Variants in MDFI observed in about 807,000 individuals in gnomAD.
The protein encoded by MDFI is MyoD family inhibitor.
A neutral mutation model predicts 22.3 loss-of-function variants in MDFI; 16 were observed. That is an observed-to-expected ratio of 0.72 (90% confidence interval 0.49 to 1.09). The LOEUF is 1.09. Ranked by LOEUF, MDFI falls within the 50% of genes least tolerant of loss-of-function variation. The pLI is 0.00. For missense variants in MDFI, 314 were observed against 326.1 expected, an observed-to-expected ratio of 0.96 and a Z score of 0.29; for synonymous variants, 145 against 142.7, an observed-to-expected ratio of 1.02 and a Z score of -0.12.
chr6:41,653,860 G>A lies in MDFI; in HGVS notation c.*285G>A, dbSNP rs1768380214. 1.9e-6 allele frequency: 1 copy of A among 515,456 alleles called. No individual in the cohort carries two copies. The highest frequency in any genetic ancestry group is 1.9e-5 in the African/African-American group (1 of 52,396). 31.9% of individuals were successfully genotyped at this position (515,456 alleles called of 1,614,324 possible). Reference sequence around the variant, plus strand: ...GCTGAGGACCTGACAGGACAACCTAGGGGCAGGGCTGGGGTGGGGACCGCA... The same window carrying A: ...GCTGAGGACCTGACAGGACAACCTAAGGGCAGGGCTGGGGTGGGGACCGCA... On this transcript the variant is annotated 3_prime_UTR_variant, in exon 5 of 5. Transcript: ENST00000230321. This position sits in a 1 kb window ranked among gnomAD's most constrained non-coding sequence, Gnocchi z 4.2.
chr6:41,643,002 G>T (rs1767906645), intron 2 of MDFI, among the ~76,000 whole-genome samples: 1 of 152,132 alleles, frequency 6.6e-6, no homozygotes, highest in Admixed American at 6.5e-5. Flanking sequence ...GGGGGAGCAG[G>T]GCAGGGAGCA....
At chr6:41,642,862 C>T (rs1421848366) in intron 2 of MDFI, among the ~76,000 whole-genome samples, 3 of 152,200 alleles carry the variant, frequency 2.0e-5, no homozygotes, top group Non-Finnish European at 4.4e-5. Flanking sequence ...GTCACCAGCC[C>T]TGTAGGTGAC....
At chr6:41,647,410 A>G (rs577738418) in intron 3 of MDFI, among the ~76,000 whole-genome samples, 1 of 152,212 alleles carries the variant, frequency 6.6e-6, no homozygotes, top group African/African-American at 2.4e-5. Context: ...CAGAAGGGCA[A>G]GGGGCACCGA....
At chr6:41,643,120 A>T (rs1211148649) in intron 2 of MDFI, among the ~76,000 whole-genome samples, 1 of 152,136 alleles carries the variant, frequency 6.6e-6, no homozygotes, top group South Asian at 2.1e-4. Context: ...ATGCCCTGCT[A>T]TCATTCTAGG....
At position 41,653,297 on chromosome 6, in the gene MDFI, CCT is replaced by C; in HGVS notation, c.485-18_485-17del. 1 of 1,603,780 alleles carries C rather than the reference CCT, an allele frequency of 6.2e-7. No homozygotes were observed. The highest frequency in any genetic ancestry group is 8.5e-7 in the Non-Finnish European group (1 of 1,173,258). ...ATCCCTCCCCTCTCTCACCCGTCCCCCTCTCCACCGCCACCCCGCAGACTGCT... is the reference window on the plus strand; with the variant it reads ...ATCCCTCCCCTCTCTCACCCGTCCCCCTCCACCGCCACCCCGCAGACTGCT... On this transcript the variant is annotated intron_variant, in intron 4 of 4. Transcript: ENST00000230321. This position sits in a 1 kb window ranked among gnomAD's most constrained non-coding sequence, Gnocchi z 4.2.
At chr6:41,652,534 G>A (rs1768308762) in intron 4 of MDFI, among the ~76,000 whole-genome samples, 1 of 151,994 alleles carries the variant, frequency 6.6e-6, no homozygotes, top group African/African-American at 2.4e-5. Context: ...CAGTAAGCAG[G>A]CTGTCGAAGG....
chr6:41,653,209 T>A lies in MDFI; in HGVS notation c.485-110T>A. 1 of 1,120,680 alleles carries A rather than the reference T, an allele frequency of 8.9e-7. No individual in the cohort carries two copies. The highest frequency in any genetic ancestry group is 1.3e-6 in the Non-Finnish European group (1 of 762,368). 69.4% of individuals were successfully genotyped at this position (1,120,680 alleles called of 1,614,324 possible). On this transcript the variant is annotated intron_variant, in intron 4 of 4. Transcript: ENST00000230321. The surrounding 1 kb of genome is among the most constrained non-coding windows in gnomAD (Gnocchi z 4.2). ...TGAGCTTCAGGCACACAGTGAACAC[T>A]CAGCGTCCCTGCTGCTGCCGCTGCC...
intron 2 of MDFI, among the ~76,000 whole-genome samples, chr6:41,643,532 G>GGAAGGAAGGAAGGAAGGAA (rs1561829502): frequency 1.1e-4 from 14 of 130,082 alleles, no homozygotes; most frequent in African/African-American, 3.7e-4. Flanking sequence ...ACAGGAAGGA[G>GGAAGGAAGGAAGGAAGGAA]GGAAGGAGGG....
chr6:41,649,031 G>A (rs762968809), intron 3 of MDFI, among the ~76,000 whole-genome samples: 16 of 152,306 alleles, frequency 1.1e-4, no homozygotes, highest in Non-Finnish European at 2.2e-4. Context: ...TTGAGGGTGC[G>A]GAGGGCAGAG....
intron 3 of MDFI, 101 bp downstream of exon 3, chr6:41,646,409 A>G (rs1768055234): frequency 9.2e-7 from 1 of 1,083,754 alleles, no homozygotes; most frequent in Non-Finnish European, 1.2e-6. Flanking sequence ...CCGCTTGGCC[A>G]GAACCTTGAG....
At chr6:41,640,704 A>G (rs555213744) in intron 2 of MDFI, among the ~76,000 whole-genome samples, 38 of 152,278 alleles carry the variant, frequency 2.5e-4, no homozygotes, top group African/African-American at 8.9e-4. Context: ...CCAGGGAGCA[A>G]GTCGGCCTCC....
In MDFI at chr6:41,653,291, C is replaced by T. The variant is rs117948170; in HGVS notation, c.485-28C>T. On this transcript the variant is annotated intron_variant, in intron 4 of 4. Transcript: ENST00000230321. The surrounding 1 kb of genome is among the most constrained non-coding windows in gnomAD (Gnocchi z 4.2). ...ACGCTCATCCCTCCCCTCTCTCACC[C>T]GTCCCCCTCTCCACCGCCACCCCGC... 179 of 1,602,048 alleles carry T rather than the reference C, an allele frequency of 1.1e-4. 1 individual carries two copies. In the East Asian group the frequency reaches 3.7e-3, roughly 33 times the overall value.
chr6:41,638,477 G>A lies in MDFI; in HGVS notation c.-187G>A. On this transcript the variant is annotated 5_prime_UTR_variant, in exon 1 of 5. Coordinates refer to ENST00000230321, the MANE Select transcript of MDFI (RefSeq NM_005586.4). This position sits in a 1 kb window ranked among gnomAD's most constrained non-coding sequence, Gnocchi z 7.6. The stretch of plus-strand genomic sequence containing the variant: ...TGGAGGGAGAGAAGGAAGAAGGAAG[G>A]GGCGAACGGCGTGAGCTGGCGCCGA... The A allele has an allele frequency of 6.0e-6, 3 of 497,464 alleles. No homozygotes were observed. The highest frequency in any genetic ancestry group is 1.1e-5 in the Non-Finnish European group (3 of 282,352). The allele number at this position is 497,464 out of a possible 1,614,324, so 30.8% of individuals were successfully genotyped here.
intron 2 of MDFI, among the ~76,000 whole-genome samples, chr6:41,640,079 A>G (rs1767794427): frequency 6.6e-6 from 1 of 152,170 alleles, no homozygotes; most frequent in East Asian, 1.9e-4. Flanking sequence ...GGGCCCCTGC[A>G]ACGGGGCCTT....
chr6:41,644,843 T>C (rs1767987339), intron 2 of MDFI, among the ~76,000 whole-genome samples: 1 of 151,904 alleles, frequency 6.6e-6, no homozygotes, highest in Admixed American at 6.6e-5. Context: ...ATGTGCCTCT[T>C]TCTGGTCTCT....
At chr6:41,644,358 G>T (rs139046686) in intron 2 of MDFI, among the ~76,000 whole-genome samples, 1 of 152,288 alleles carries the variant, frequency 6.6e-6, no homozygotes, top group African/African-American at 2.4e-5. Flanking sequence ...AGGAGCGCCA[G>T]CCCTCCCTCC....
upstream of MDFI, chr6:41,637,317 A>G (rs1404946550): frequency 6.6e-6 from 1 of 151,738 alleles, no homozygotes; most frequent in African/African-American, 2.4e-5. The surrounding 1 kb of genome is among the most constrained non-coding windows in gnomAD (Gnocchi z 6.8). Flanking sequence ...AGAAGTGGGG[A>G]GCTGGGACGC....
At chr6:41,639,404 C>A (rs749961649) in intron 2 of MDFI, 1 of 985,426 alleles carries the variant, frequency 1.0e-6, no homozygotes, top group Non-Finnish European at 1.2e-6. Context: ...CGCACCCCAA[C>A]CCAGTGTCTT....
upstream of MDFI, among the ~76,000 whole-genome samples, chr6:41,637,697 C>T (rs1004039123): frequency 1.3e-5 from 2 of 152,148 alleles, no homozygotes; most frequent in Non-Finnish European, 2.9e-5. This position sits in a 1 kb window ranked among gnomAD's most constrained non-coding sequence, Gnocchi z 6.8. Flanking sequence ...CCCGGCTGGC[C>T]CCACCGGGAG....
Sources: allele counts gnomAD v4.1 joint callset (sites outside exome capture counted in the v4.1 genomes callset), GRCh38; gene constraint gnomAD v4.1.1; non-coding constraint Gnocchi (gnomAD v3.1); transcripts MANE v1.5; gene names NCBI Gene and HGNC (gene_info 2026-07-23, HGNC 2026-07-21).